The following KHDRBS2 variants were observed in gnomAD, a reference collection of about 807,000 sequenced individuals.
KHDRBS2 encodes KH domain-containing, RNA-binding, signal transduction-associated protein 2.
KHDRBS2 carries 26 observed loss-of-function variants against 44.3 expected under a neutral mutation model. That is an observed-to-expected ratio of 0.59 (90% CI 0.43 to 0.81). The LOEUF is 0.81. Among genes scored for constraint, KHDRBS2 ranks in the 40% least tolerant of loss-of-function variants. The probability of loss-of-function intolerance (pLI) is 0.00; values close to 1 mark genes in which losing one functional copy is unlikely to be tolerated. For missense variants in KHDRBS2, 476 were observed against 433.1 expected, an observed-to-expected ratio of 1.10 and a Z score of -0.88; for synonymous variants, 194 against 151.1, an observed-to-expected ratio of 1.28 and a Z score of -2.08.
intron 1 of KHDRBS2, among the ~76,000 whole-genome samples, chr6:62,208,106 A>G (rs181610923): frequency 4.7e-4 from 72 of 152,262 alleles, no homozygotes; most frequent in African/African-American, 1.5e-3. Context: ...GTTGAATTAT[A>G]TTCTATATAG....
At chr6:62,220,662 T>C (rs1451999606) in intron 1 of KHDRBS2, among the ~76,000 whole-genome samples, 1 of 151,750 alleles carries the variant, frequency 6.6e-6, no homozygotes, top group Non-Finnish European at 1.5e-5. Context: ...ATATTGTAAT[T>C]TCTAGGGCAA....
At chr6:61,937,973 G>C (rs1811349080) in intron 4 of KHDRBS2, among the ~76,000 whole-genome samples, 1 of 151,894 alleles carries the variant, frequency 6.6e-6, no homozygotes, top group Non-Finnish European at 1.5e-5. Flanking sequence ...TTGGGTAATA[G>C]GAGTTGTTTC....
chr6:61,819,090 T>C (rs1427313385), intron 6 of KHDRBS2, among the ~76,000 whole-genome samples: 1 of 152,036 alleles, frequency 6.6e-6, no homozygotes, highest in Non-Finnish European at 1.5e-5. Flanking sequence ...CTTCTAAAAA[T>C]GCTTATTTTA....
At chr6:62,084,598 T>C (rs918890343) in intron 2 of KHDRBS2, among the ~76,000 whole-genome samples, 10 of 152,198 alleles carry the variant, frequency 6.6e-5, no homozygotes, top group African/African-American at 2.4e-4. Flanking sequence ...TCTCAAGGCA[T>C]GAATAAAACG....
intron 2 of KHDRBS2, among the ~76,000 whole-genome samples, chr6:62,071,704 C>T (rs1480392339): frequency 6.6e-6 from 1 of 152,144 alleles, no homozygotes; most frequent in Non-Finnish European, 1.5e-5. Flanking sequence ...GTCTATATCT[C>T]TGTTTTGGTA....
At chr6:61,604,810 G>A in the KHDRBS2 span, among the ~76,000 whole-genome samples, 3 of 152,082 alleles carry the variant, frequency 2.0e-5, no homozygotes, top group Non-Finnish European at 4.4e-5. Flanking sequence ...GATGTGTAGA[G>A]GCCTATCCCA....
chr6:61,850,595 G>T (rs535112280), intron 6 of KHDRBS2, among the ~76,000 whole-genome samples: 217 of 152,110 alleles, frequency 1.4e-3, no homozygotes, highest in African/African-American at 5.1e-3. Context: ...CTTCAGAAAA[G>T]GTCAATCATG....
chr6:61,990,451 T>C (rs1340624290), intron 3 of KHDRBS2, among the ~76,000 whole-genome samples: 2 of 152,150 alleles, frequency 1.3e-5, no homozygotes, highest in Non-Finnish European at 2.9e-5. Flanking sequence ...CCACACTTAA[T>C]TGGAAAGACT....
intron 6 of KHDRBS2, among the ~76,000 whole-genome samples, chr6:61,871,586 T>C (rs573906987): frequency 4.1e-4 from 62 of 152,142 alleles, no homozygotes; most frequent in African/African-American, 1.4e-3. Flanking sequence ...AAGGAAAAAC[T>C]GTTAAGGGCA....
intron 2 of KHDRBS2, among the ~76,000 whole-genome samples, chr6:62,090,559 G>A (rs1562832626): frequency 7.0e-6 from 1 of 143,060 alleles, no homozygotes; most frequent in Non-Finnish European, 1.5e-5. Flanking sequence ...TAGGAAAGGT[G>A]TTTTTTTTTT....
chr6:61,997,242 G>A (rs1391662481), intron 3 of KHDRBS2, among the ~76,000 whole-genome samples: 1 of 152,066 alleles, frequency 6.6e-6, no homozygotes, highest in African/African-American at 2.4e-5. Flanking sequence ...AAGTTTAAAT[G>A]TATTATTTTG....
At chr6:62,060,167 T>C (rs1208431227) in intron 2 of KHDRBS2, among the ~76,000 whole-genome samples, 3 of 151,784 alleles carry the variant, frequency 2.0e-5, no homozygotes, top group African/African-American at 7.2e-5. Context: ...AAACAGAAAG[T>C]AATTCGTTTT....
intron 6 of KHDRBS2, among the ~76,000 whole-genome samples, chr6:61,796,874 G>T (rs1785437453): frequency 6.6e-6 from 1 of 152,066 alleles, no homozygotes; most frequent in Non-Finnish European, 1.5e-5. Context: ...TATGAAGACT[G>T]CCCAGTAACT....
intron 4 of KHDRBS2, among the ~76,000 whole-genome samples, chr6:61,901,820 G>A (rs1017091229): frequency 6.6e-6 from 1 of 152,110 alleles, no homozygotes; most frequent in African/African-American, 2.4e-5. Context: ...GCAATCCCAA[G>A]GGCTCAGAGT....
intron 2 of KHDRBS2, among the ~76,000 whole-genome samples, chr6:62,113,392 C>T (rs1314859831): frequency 6.6e-6 from 1 of 151,992 alleles, no homozygotes; most frequent in Admixed American, 6.6e-5. Context: ...ATTATAAATT[C>T]CTGAAAACCC....
At chr6:62,005,811 CTAAA>C (rs1179519458) in intron 3 of KHDRBS2, among the ~76,000 whole-genome samples, 2 of 151,726 alleles carry the variant, frequency 1.3e-5, no homozygotes, top group African/African-American at 4.8e-5. Flanking sequence ...ATCAAAACCA[CTAAA>C]TAGAGCTTGC....
At chr6:61,708,397 T>C (rs1378047189) in intron 7 of KHDRBS2, among the ~76,000 whole-genome samples, 3 of 151,708 alleles carry the variant, frequency 2.0e-5, no homozygotes, top group Non-Finnish European at 3.0e-5. Context: ...CATGTATATG[T>C]TTCAATCCAA....
At chr6:62,159,573 T>C (rs1817189904) in intron 2 of KHDRBS2, among the ~76,000 whole-genome samples, 1 of 152,114 alleles carries the variant, frequency 6.6e-6, no homozygotes, top group South Asian at 2.1e-4. Context: ...AGTTGATCCC[T>C]AAATGACAAG....
the KHDRBS2 span, among the ~76,000 whole-genome samples, chr6:61,560,862 T>C: frequency 6.6e-6 from 1 of 152,196 alleles, no homozygotes; most frequent in African/African-American, 2.4e-5. Flanking sequence ...CTGGATGGTG[T>C]TGATGCTAGT....
Sources: gnomAD v4.1 joint callset for allele counts (sites outside exome capture counted in the v4.1 genomes callset) on GRCh38, gnomAD v4.1.1 for gene constraint, MANE v1.5 for transcripts, NCBI Gene and HGNC (gene_info 2026-07-23, HGNC 2026-07-21) for gene names.